The following RASGRP3 variants were observed in gnomAD, a reference collection of about 807,000 sequenced individuals.
The protein encoded by RASGRP3 is ras guanyl-releasing protein 3.
In RASGRP3, 54 loss-of-function variants were observed where a neutral mutation model predicts 82.7. The ratio of observed to expected loss-of-function variants is 0.65; its 90% CI spans 0.52 to 0.82. The LOEUF is 0.82. Among genes scored for constraint, RASGRP3 ranks in the 40% least tolerant of loss-of-function variants. The pLI, the probability that RASGRP3 is intolerant of heterozygous loss-of-function variation, is 0.00. For missense variants in RASGRP3, 861 were observed against 828.9 expected (o/e 1.04, Z -0.48); for synonymous variants, 309 against 300.5 (o/e 1.03, Z -0.29).
chr2:33,531,498 C>T (rs1167126048), intron 10 of RASGRP3, among the ~76,000 whole-genome samples: 4 of 152,174 alleles, frequency 2.6e-5, no homozygotes, highest in African/African-American at 9.6e-5. Context: ...TGGCATTTGA[C>T]TCGTGCATTG....
intron 1 of RASGRP3, among the ~76,000 whole-genome samples, chr2:33,484,098 C>G (rs1239259175): frequency 3.3e-5 from 5 of 152,220 alleles, no homozygotes; most frequent in Non-Finnish European, 7.4e-5. Flanking sequence ...TTTGGCTGAA[C>G]CAAGTTTCCT....
upstream of RASGRP3, among the ~76,000 whole-genome samples, chr2:33,473,663 T>A (rs967114733): frequency 2.6e-5 from 4 of 152,152 alleles, no homozygotes; most frequent in Non-Finnish European, 4.4e-5. Context: ...TTTGCAAGGC[T>A]GTGTTATTGT....
At chr2:33,466,934 C>T (rs752428814) in intron 2 of RASGRP3, among the ~76,000 whole-genome samples, 14 of 152,046 alleles carry the variant, frequency 9.2e-5, no homozygotes, top group African/African-American at 2.7e-4. Flanking sequence ...GCTGCTCACT[C>T]GTTGTGGGCA....
At chr2:33,448,764 T>A (rs548349259) in intron 2 of RASGRP3, among the ~76,000 whole-genome samples, 2 of 152,180 alleles carry the variant, frequency 1.3e-5, no homozygotes, top group Non-Finnish European at 2.9e-5. Flanking sequence ...ACATTGTGAA[T>A]GTAATTAATA....
chr2:33,456,373 C>G (rs1306510089), intron 2 of RASGRP3, among the ~76,000 whole-genome samples: 1 of 152,032 alleles, frequency 6.6e-6, no homozygotes, highest in Non-Finnish European at 1.5e-5. Context: ...TTCCTGACTT[C>G]TTTTGGATAT....
rs144457021 is a variant in RASGRP3, at chr2:33,488,223, C to T, written c.-261+11516C>T. On this transcript the variant is annotated intron_variant, in intron 1 of 17. Coordinates refer to ENST00000403687, the MANE Select transcript of RASGRP3 (RefSeq NM_001139488.2). ...GAGTAACTATCAAGTATTGTCCTGG[C>T]AAAGCACGTTTCTCTCAATAAGTGT... 1.8e-4 allele frequency among the ~76,000 whole-genome samples: 27 copies of T among 152,278 alleles called. No homozygotes were observed. In the South Asian group the frequency reaches 2.7e-3, roughly 15 times the overall value.
chr2:33,542,899 G>T (rs893947870), intron 12 of RASGRP3, among the ~76,000 whole-genome samples: 1 of 151,920 alleles, frequency 6.6e-6, no homozygotes, highest in African/African-American at 2.4e-5. Flanking sequence ...CATCATGTTG[G>T]TCAGGGTGGT....
At chr2:33,549,518 G>T in intron 13 of RASGRP3, 86 bp from the exon 14 acceptor site, 1 of 1,353,222 alleles carries the variant, frequency 7.4e-7, no homozygotes, top group Non-Finnish European at 1.0e-6. Context: ...GGCCACAAAG[G>T]TTTGGGAGGT....
chr2:33,467,062 TACTA>T lies in RASGRP3; in HGVS notation c.-261+19124_-261+19127del, dbSNP rs976521601. 1.6e-4 allele frequency among the ~76,000 whole-genome samples: 22 copies of T among 133,928 alleles called. 1 individual carries two copies. The highest frequency in any genetic ancestry group is 7.3e-4 in the African/African-American group (20 of 27,484). 87.9% of individuals were successfully genotyped at this position (133,928 alleles called of 152,430 possible). ...GTTAGCTTATTATATATTAGTAACA[TACTA>T]ACTATATATATATTAATAAATTCTA... On this transcript the variant is annotated intron_variant, in intron 2 of 18. Transcript: ENST00000402538.
At chr2:33,558,183 C>T in intron 15 of RASGRP3, 28 bp from the exon 16 acceptor site, 2 of 1,603,178 alleles carry the variant, frequency 1.2e-6, no homozygotes, top group East Asian at 2.2e-5. Context: ...ACACACTAAT[C>T]ATCTGCGACA....
chr2:33,549,199 T>C (rs1040664102), intron 13 of RASGRP3, among the ~76,000 whole-genome samples: 1 of 152,264 alleles, frequency 6.6e-6, no homozygotes, highest in African/African-American at 2.4e-5. Context: ...TTGAGAATGG[T>C]CAGCCCAGTT....
intron 9 of RASGRP3, among the ~76,000 whole-genome samples, chr2:33,525,080 CAAAAAAAAAAAAACCAAAA>C (rs1013271814): frequency 4.2e-5 from 3 of 70,636 alleles, no homozygotes; most frequent in African/African-American, 2.2e-4. Flanking sequence ...GACTCCATCT[CAAAAAAAAAAAAACCAAAA>C]AAAAAAAAAA....
intron 2 of RASGRP3, among the ~76,000 whole-genome samples, chr2:33,462,981 A>C (rs1245018635): frequency 6.6e-6 from 1 of 152,196 alleles, no homozygotes; most frequent in East Asian, 1.9e-4. Context: ...TTTAACTATA[A>C]GAAACTCTTT....
chr2:33,445,240 C>G (rs1052268858), intron 1 of RASGRP3, among the ~76,000 whole-genome samples: 1 of 152,170 alleles, frequency 6.6e-6, no homozygotes, highest in Non-Finnish European at 1.5e-5. Flanking sequence ...AATCAGAAGA[C>G]ACTGTAGGTT....
chr2:33,452,584 A>G (rs538566984), intron 2 of RASGRP3, among the ~76,000 whole-genome samples: 1 of 152,206 alleles, frequency 6.6e-6, no homozygotes, highest in South Asian at 2.1e-4. Context: ...GTCTAGGTTC[A>G]TGGGGGCCAT....
At chr2:33,453,152 C>G (rs1271689379) in intron 2 of RASGRP3, among the ~76,000 whole-genome samples, 1 of 152,140 alleles carries the variant, frequency 6.6e-6, no homozygotes, top group Admixed American at 6.5e-5. Context: ...AGTATTTGTG[C>G]CCCAAGGGCC....
chr2:33,464,674 A>G (rs1277360952), intron 2 of RASGRP3, among the ~76,000 whole-genome samples: 2 of 152,052 alleles, frequency 1.3e-5, no homozygotes, highest in Admixed American at 6.6e-5. Context: ...ATGGGGTTTC[A>G]CTATGTTGCC....
chr2:33,553,414 C>A (rs143260217), intron 14 of RASGRP3, among the ~76,000 whole-genome samples: 30 of 152,270 alleles, frequency 2.0e-4, no homozygotes, highest in Non-Finnish European at 2.9e-5. Context: ...CCTAACTGTG[C>A]CTTTCACATA....
At chr2:33,505,831 C>T (rs1345145579) in intron 1 of RASGRP3, among the ~76,000 whole-genome samples, 29 of 152,096 alleles carry the variant, frequency 1.9e-4, no homozygotes, top group African/African-American at 4.8e-5. Flanking sequence ...AGGTGTCTAG[C>T]ATGTATATAT....
Sources: gnomAD v4.1 joint callset for allele counts (sites outside exome capture counted in the v4.1 genomes callset) on GRCh38, gnomAD v4.1.1 for gene constraint, MANE v1.5 for transcripts, NCBI Gene and HGNC (gene_info 2026-07-23, HGNC 2026-07-21) for gene names.